RPS6KA6: variants seen among roughly 807,000 people sequenced by gnomAD.
RPS6KA6 encodes the protein ribosomal protein S6 kinase alpha-6.
Under a neutral mutation model 65.4 loss-of-function variants are expected in RPS6KA6, and 27 were observed. The ratio of observed to expected loss-of-function variants is 0.41; its 90% CI spans 0.30 to 0.57. The LOEUF (loss-of-function observed/expected upper bound fraction) is 0.57. Ranked by LOEUF, RPS6KA6 falls within the 20% of genes least tolerant of loss-of-function variation. The probability of loss-of-function intolerance (pLI) is 0.24; values close to 1 mark genes in which losing one functional copy is unlikely to be tolerated. For missense variants in RPS6KA6, 486 were observed against 555.6 expected (o/e 0.87, Z 1.26); for synonymous variants, 190 against 184.2 (o/e 1.03, Z -0.26).
At chrX:84,114,397 A>T (rs2034526281) in intron 12 of RPS6KA6, among the ~76,000 whole-genome samples, 1 of 110,584 alleles carries the variant, frequency 9.0e-6, no homozygotes, top group Non-Finnish European at 1.9e-5. Flanking sequence ...CTGAAGTGGG[A>T]GGATTGCTTA....
intron 2 of RPS6KA6, among the ~76,000 whole-genome samples, chrX:84,160,574 G>A (rs2035494150): frequency 9.0e-6 from 1 of 111,449 alleles, no homozygotes; most frequent in Non-Finnish European, 1.9e-5. Flanking sequence ...TTTAAAGCCT[G>A]AACTTGTTCA....
intron 20 of RPS6KA6, among the ~76,000 whole-genome samples, chrX:84,077,586 C>T (rs1457519379): frequency 9.0e-6 from 1 of 110,575 alleles, no homozygotes; most frequent in Non-Finnish European, 1.9e-5. Flanking sequence ...TATGTTGTAC[C>T]ATATATATAT....
chrX:84,124,690 A>G lies in RPS6KA6; in HGVS notation c.647-4663T>C, dbSNP rs183921925. On this transcript the variant is annotated intron_variant, in intron 8 of 21. Transcript: ENST00000262752. Reference sequence around the variant, plus strand: ...ACAGCCAAAGAGGGGCAAGTCTAAGAGCTACTGGACTTGAATAGAAAGTAG... The same window carrying G: ...ACAGCCAAAGAGGGGCAAGTCTAAGGGCTACTGGACTTGAATAGAAAGTAG... Among the ~76,000 whole-genome samples the G allele has an allele frequency of 9.4e-4, 105 of 111,200 alleles. 1 individual carries two copies. In the South Asian group the frequency reaches 0.011, roughly 12 times the overall value.
intron 20 of RPS6KA6, among the ~76,000 whole-genome samples, chrX:84,078,281 A>T (rs1008467694): frequency 2.7e-5 from 3 of 112,126 alleles, no homozygotes; most frequent in Non-Finnish European, 1.9e-5. Flanking sequence ...AAAATAGCTA[A>T]TTTTTTTAAA....
At chrX:84,177,349 C>T (rs1190105429) in intron 1 of RPS6KA6, among the ~76,000 whole-genome samples, 1 of 111,421 alleles carries the variant, frequency 9.0e-6, no homozygotes, top group East Asian at 2.8e-4. Flanking sequence ...ATGGAAAAGA[C>T]ACTCTTCTAA....
chrX:84,151,618 A>G (rs6622932), intron 3 of RPS6KA6, among the ~76,000 whole-genome samples: 5,519 of 111,253 alleles, frequency 0.05, 196 homozygotes, highest in East Asian at 0.2. Flanking sequence ...AACTCAAAAA[A>G]TTTGCACAAG....
intron 20 of RPS6KA6, 142 bp from the exon 21 acceptor site, chrX:84,065,253 C>A (rs999495031): frequency 2.1e-5 from 8 of 373,036 alleles, no homozygotes; most frequent in Admixed American, 9.4e-5. Flanking sequence ...CTATACTCTA[C>A]ACAGTTAACT....
At chrX:84,186,984 C>T (rs965715009) in intron 1 of RPS6KA6, 1 of 111,736 alleles carries the variant, frequency 8.9e-6, no homozygotes, top group African/African-American at 3.3e-5. Flanking sequence ...TGACCAAAGC[C>T]CAACCAGAAC....
intron 6 of RPS6KA6, among the ~76,000 whole-genome samples, chrX:84,141,160 C>G (rs2035095469): frequency 9.0e-6 from 1 of 111,066 alleles, no homozygotes; most frequent in Admixed American, 9.6e-5. Flanking sequence ...GTAAAAATGA[C>G]TATGCAAGTA....
At chrX:84,162,708 A>C in intron 2 of RPS6KA6, among the ~76,000 whole-genome samples, 1 of 111,916 alleles carries the variant, frequency 8.9e-6, no homozygotes. Flanking sequence ...TGAATTTATT[A>C]ATGCTAAAAT....
chrX:84,160,216 G>A (rs893661197), intron 2 of RPS6KA6, among the ~76,000 whole-genome samples: 3 of 110,892 alleles, frequency 2.7e-5, no homozygotes, highest in Non-Finnish European at 1.9e-5. Context: ...ATTTTTTTGC[G>A]ACCATAAAGT....
rs1332838159 is a variant in RPS6KA6, at chrX:84,146,996, T to C, written c.403A>G (p.Ile135Val). ...DILVEVNHPFIVKLHYAFQTE... is the reference protein window; with the variant it reads ...DILVEVNHPFVVKLHYAFQTE... ...TACATACCATAGTGCAATTTGACAA[T>C]AAATGGATGATTTACTTCCACCAGT... The change falls in exon 5 of 22, where the codon ATT becomes GTT. Residue 135 changes from isoleucine (I) to valine (V), a missense_variant. Ile to Val is a conservative substitution (Grantham distance 29). Transcript: ENST00000262752. The C allele has an allele frequency of 8.5e-7, 1 of 1,171,838 alleles. No homozygotes were observed. The highest frequency in any genetic ancestry group is 2.2e-5 in the Admixed American group (1 of 44,912).
intron 16 of RPS6KA6, among the ~76,000 whole-genome samples, chrX:84,105,550 T>G (rs1017183511): frequency 1.8e-5 from 2 of 111,020 alleles, no homozygotes; most frequent in African/African-American, 6.5e-5. Context: ...CCAGAATATA[T>G]TCATGTAATG....
At chrX:84,138,514 C>G (rs1406282736) in intron 6 of RPS6KA6, among the ~76,000 whole-genome samples, 1 of 111,901 alleles carries the variant, frequency 8.9e-6, no homozygotes, top group Non-Finnish European at 1.9e-5. Flanking sequence ...GATAGTGCCA[C>G]TGCACTCCAG....
chrX:84,062,755 C>T lies in RPS6KA6; in HGVS notation c.*1522G>A, dbSNP rs1398868851. 1.8e-5 allele frequency: 2 copies of T among 111,342 alleles called. No homozygotes were observed. Among genetic ancestry groups the T allele is most frequent in the African/African-American group, 3.3e-5 (1 of 30,697 alleles). The allele number at this position is 111,342 out of a possible 1,213,427, so 9.2% of individuals were successfully genotyped here. ...AATACCAAAGTTACGAGTTTCCTAG[C>T]CTAAATTGTATAATTCAGCACTCAG... On this transcript the variant is annotated 3_prime_UTR_variant, in exon 22 of 22. Coordinates refer to ENST00000262752, the MANE Select transcript of RPS6KA6 (RefSeq NM_014496.5).
chrX:84,164,431 C>CAAG, intron 1 of RPS6KA6, 44 bp from the exon 2 acceptor site: 2 of 936,679 alleles, frequency 2.1e-6, no homozygotes, highest in Non-Finnish European at 3.1e-6. Context: ...AGTATTAAAA[C>CAAG]AAGAGTGATA....
chrX:84,161,796 C>T (rs2035518180), intron 2 of RPS6KA6, among the ~76,000 whole-genome samples: 1 of 111,943 alleles, frequency 8.9e-6, no homozygotes, highest in South Asian at 3.6e-4. Context: ...ATTTACATCT[C>T]TGCATAATAA....
intron 3 of RPS6KA6, among the ~76,000 whole-genome samples, chrX:84,153,634 T>A (rs2035366851): frequency 8.9e-6 from 1 of 111,760 alleles, no homozygotes; most frequent in Non-Finnish European, 1.9e-5. Flanking sequence ...ATGGAACTTT[T>A]GAAGAAAAAC....
chrX:84,121,143 C>T (rs1644100751), intron 8 of RPS6KA6, among the ~76,000 whole-genome samples: 1 of 112,367 alleles, frequency 8.9e-6, no homozygotes, highest in African/African-American at 3.2e-5. Context: ...GGAAGCGTTA[C>T]ATGAGCACAG....
Sources: gnomAD v4.1 joint callset for allele counts (sites outside exome capture counted in the v4.1 genomes callset) on GRCh38, gnomAD v4.1.1 for gene constraint, MANE v1.5 for transcripts, NCBI Gene and HGNC (gene_info 2026-07-23, HGNC 2026-07-21) for gene names.